The following ADAMTS6 variants were observed in gnomAD, a reference collection of about 807,000 sequenced individuals.
ADAMTS6 encodes the protein A disintegrin and metalloproteinase with thrombospondin motifs 6.
Under a neutral mutation model 144.3 loss-of-function variants are expected in ADAMTS6, and 23 were observed. The ratio of observed to expected loss-of-function variants is 0.16; its 90% CI spans 0.11 to 0.23. The LOEUF (loss-of-function observed/expected upper bound fraction) is 0.23, where lower values mean the gene tolerates loss of function less well. Among genes scored for constraint, ADAMTS6 ranks in the 10% least tolerant of loss-of-function variants. The pLI, the probability that ADAMTS6 is intolerant of heterozygous loss-of-function variation, is 1.00. For missense variants in ADAMTS6, 999 were observed against 1,379.6 expected, an observed-to-expected ratio of 0.72 and a Z score of 4.37; for synonymous variants, 444 against 457.5, an observed-to-expected ratio of 0.97 and a Z score of 0.38.
intron 20 of ADAMTS6, among the ~76,000 whole-genome samples, chr5:65,206,165 C>G (rs1425868485): frequency 1.3e-5 from 2 of 151,986 alleles, no homozygotes; most frequent in East Asian, 3.9e-4. Context: ...CTTAGTATCT[C>G]TAATTTTAAA....
At chr5:65,408,929 T>C (rs1265157235) in intron 7 of ADAMTS6, among the ~76,000 whole-genome samples, 1 of 152,130 alleles carries the variant, frequency 6.6e-6, no homozygotes, top group Admixed American at 6.6e-5. Context: ...AAGGCAGAAA[T>C]AAAGATGTTC....
intron 18 of ADAMTS6, among the ~76,000 whole-genome samples, chr5:65,217,418 C>T (rs1226292606): frequency 6.6e-6 from 1 of 151,088 alleles, no homozygotes; most frequent in Admixed American, 6.6e-5. Flanking sequence ...TCTAACACCT[C>T]TTGGCTGCTA....
At chr5:65,267,706 T>TA (rs200425923) in intron 12 of ADAMTS6, among the ~76,000 whole-genome samples, 2,055 of 152,202 alleles carry the variant, frequency 0.014, 51 homozygotes, top group African/African-American at 0.047. Flanking sequence ...ATGCAGTATT[T>TA]AAAAAAAATT....
At position 65,185,130 on chromosome 5, in the gene ADAMTS6, G is replaced by C. The variant is rs1477458838; in HGVS notation, c.2910+2886C>G. Among the ~76,000 whole-genome samples, 6 of 152,200 alleles carry C rather than the reference G, an allele frequency of 3.9e-5. No homozygotes were observed. In the East Asian group the frequency reaches 1.2e-3, roughly 29 times the overall value. ...CCGCTGGGACCTTCTCTTTTCATTA[G>C]TGGGAGGTGTTCCATTCCTTTGGGA... On this transcript the variant is annotated intron_variant, in intron 22 of 24. Coordinates refer to ENST00000381055, the MANE Select transcript of ADAMTS6 (RefSeq NM_197941.4).
intron 13 of ADAMTS6, among the ~76,000 whole-genome samples, chr5:65,261,929 T>C (rs908622151): frequency 1.4e-5 from 2 of 148,130 alleles, no homozygotes; most frequent in African/African-American, 5.0e-5. Flanking sequence ...AAATAGACCA[T>C]CTTTTATTTC....
At chr5:65,157,339 A>T (rs2111973056) in intron 24 of ADAMTS6, among the ~76,000 whole-genome samples, 1 of 152,384 alleles carries the variant, frequency 6.6e-6, no homozygotes, top group African/African-American at 2.4e-5. Context: ...ATAGAGGTTT[A>T]TGAATTTAGA....
At chr5:65,444,292 G>A (rs745998792) in intron 7 of ADAMTS6, among the ~76,000 whole-genome samples, 36 of 152,116 alleles carry the variant, frequency 2.4e-4, no homozygotes, top group South Asian at 6.2e-4. Flanking sequence ...TTTGGGAGGC[G>A]GAGGCAGGAG....
intron 7 of ADAMTS6, among the ~76,000 whole-genome samples, chr5:65,421,275 C>T (rs746053239): frequency 9.2e-5 from 14 of 152,078 alleles, no homozygotes; most frequent in Admixed American, 6.5e-5. Context: ...TGACAAATGC[C>T]CTCAGCATTT....
chr5:65,256,083 A>G (rs1760632134), intron 14 of ADAMTS6, among the ~76,000 whole-genome samples: 1 of 152,162 alleles, frequency 6.6e-6, no homozygotes, highest in African/African-American at 2.4e-5. Flanking sequence ...TCTTCTTTAT[A>G]ACGAGAATTT....
At chr5:65,191,701 AAG>A (rs2112195343) in intron 21 of ADAMTS6, among the ~76,000 whole-genome samples, 1 of 152,238 alleles carries the variant, frequency 6.6e-6, no homozygotes. Context: ...AAAAAATAAA[AAG>A]AATTTTTTTT....
At chr5:65,289,801 T>A (rs1419871589) in intron 11 of ADAMTS6, among the ~76,000 whole-genome samples, 2 of 152,164 alleles carry the variant, frequency 1.3e-5, no homozygotes, top group African/African-American at 4.8e-5. Context: ...ATATAGATTA[T>A]TTCACTTGCT....
At chr5:65,462,706 A>G (rs569715230) in intron 3 of ADAMTS6, among the ~76,000 whole-genome samples, 1 of 152,344 alleles carries the variant, frequency 6.6e-6, no homozygotes, top group Non-Finnish European at 1.5e-5. Context: ...CAAGGCAGAT[A>G]CTATGCTATG....
At chr5:65,325,271 G>T (rs995088373) in intron 9 of ADAMTS6, among the ~76,000 whole-genome samples, 2 of 151,630 alleles carry the variant, frequency 1.3e-5, no homozygotes, top group African/African-American at 4.9e-5. Flanking sequence ...ATACAGAATG[G>T]GTGCATTTTT....
intron 8 of ADAMTS6, among the ~76,000 whole-genome samples, chr5:65,333,634 G>C (rs1262070541): frequency 6.7e-6 from 1 of 149,628 alleles, no homozygotes. Context: ...TCCTTTTCTA[G>C]CCTGAAATTT....
chr5:65,350,802 C>A (rs528454613), intron 7 of ADAMTS6, among the ~76,000 whole-genome samples: 1 of 152,036 alleles, frequency 6.6e-6, no homozygotes, highest in Non-Finnish European at 1.5e-5. Context: ...TACAGGCTTG[C>A]GCAACCAGGC....
intron 24 of ADAMTS6, among the ~76,000 whole-genome samples, 191 bp downstream of exon 24, chr5:65,170,426 A>C (rs761713438): frequency 6.6e-6 from 1 of 152,234 alleles, no homozygotes; most frequent in Non-Finnish European, 1.5e-5. Context: ...GTGACTTAAC[A>C]AGGTCATAAA....
intron 7 of ADAMTS6, among the ~76,000 whole-genome samples, chr5:65,386,847 A>C (rs149409518): frequency 2.6e-3 from 402 of 152,340 alleles, no homozygotes; most frequent in African/African-American, 9.4e-3. Context: ...TCGGCCTCCC[A>C]AAATCCTGGG....
chr5:65,222,862 T>A (rs933471438), intron 18 of ADAMTS6, among the ~76,000 whole-genome samples: 29 of 151,802 alleles, frequency 1.9e-4, no homozygotes, highest in African/African-American at 7.0e-4. Context: ...AATTAATAAA[T>A]TGAATTTCAT....
intron 20 of ADAMTS6, among the ~76,000 whole-genome samples, chr5:65,207,912 A>G (rs1004318000): frequency 2.6e-5 from 4 of 152,272 alleles, no homozygotes; most frequent in African/African-American, 9.6e-5. Flanking sequence ...GCACAATTTC[A>G]GTCAGTTTTA....
Sources: gnomAD v4.1 joint callset for allele counts (sites outside exome capture counted in the v4.1 genomes callset) on GRCh38, gnomAD v4.1.1 for gene constraint, MANE v1.5 for transcripts, NCBI Gene and HGNC (gene_info 2026-07-23, HGNC 2026-07-21) for gene names.